The following ATP11A variants were observed in gnomAD, a reference collection of about 807,000 sequenced individuals.
The protein encoded by ATP11A is ATPase phospholipid transporting 11A.
In ATP11A, 81 loss-of-function variants were observed where a neutral mutation model predicts 154.4. The ratio of observed to expected loss-of-function variants is 0.52; its 90% CI spans 0.44 to 0.63. The LOEUF (loss-of-function observed/expected upper bound fraction) is 0.63, where lower values mean the gene tolerates loss of function less well. Ranked by LOEUF, ATP11A falls within the 30% of genes least tolerant of loss-of-function variation. The pLI is 0.00. For synonymous variants in ATP11A, 623 were observed against 585.9 expected (o/e 1.06, Z -0.91); for missense variants, 1,316 against 1,474.3 (o/e 0.89, Z 1.76).
intron 29 of ATP11A, chr13:112,881,436 C>T (rs1594270182): frequency 9.4e-7 from 1 of 1,058,956 alleles, no homozygotes; most frequent in Non-Finnish European, 1.1e-6. Flanking sequence ...TCAAGGGTCT[C>T]TGGGTACCGG....
At chr13:112,782,456 T>G (rs2077523449) in intron 1 of ATP11A, among the ~76,000 whole-genome samples, 1 of 152,264 alleles carries the variant, frequency 6.6e-6, no homozygotes, top group African/African-American at 2.4e-5. Flanking sequence ...TTCACTTATA[T>G]TCTTATTCAG....
At chr13:112,805,327 T>C (rs1342634997) in intron 3 of ATP11A, among the ~76,000 whole-genome samples, 2 of 152,216 alleles carry the variant, frequency 1.3e-5, no homozygotes, top group African/African-American at 4.8e-5. Flanking sequence ...TTGTCATCAT[T>C]TGGACAAGTT....
chr13:112,743,734 A>C (rs378432), intron 1 of ATP11A, among the ~76,000 whole-genome samples: 35,114 of 152,210 alleles, frequency 0.23, 5,241 homozygotes, highest in African/African-American at 0.42. Context: ...GAGCTCAGGA[A>C]TGTAACACAG....
intron 14 of ATP11A, 70 bp downstream of exon 14, chr13:112,833,093 G>A (rs1268829318): frequency 5.8e-6 from 9 of 1,554,068 alleles, no homozygotes; most frequent in Non-Finnish European, 7.9e-6. Context: ...CCCAGTCAGG[G>A]ATTTGCACCT....
intron 1 of ATP11A, among the ~76,000 whole-genome samples, chr13:112,693,047 C>T (rs1885378291): frequency 6.6e-6 from 1 of 152,106 alleles, no homozygotes; most frequent in Non-Finnish European, 1.5e-5. Flanking sequence ...GTGAGGGTGG[C>T]TAAAAGATAA....
At chr13:112,791,458 CCAG>C (rs1378031821) in intron 2 of ATP11A, among the ~76,000 whole-genome samples, 2 of 152,224 alleles carry the variant, frequency 1.3e-5, no homozygotes, top group Non-Finnish European at 2.9e-5. Context: ...AGGGAAGAAA[CCAG>C]CAGCAGCGGC....
chr13:112,868,695 C>T (rs942715464), intron 25 of ATP11A, among the ~76,000 whole-genome samples: 3 of 152,194 alleles, frequency 2.0e-5, no homozygotes, highest in African/African-American at 4.8e-5. Context: ...ATGGAAATAA[C>T]GACCAGCAAT....
chr13:112,877,299 T>A (rs1403498997), intron 28 of ATP11A, among the ~76,000 whole-genome samples: 1 of 152,148 alleles, frequency 6.6e-6, no homozygotes, highest in Non-Finnish European at 1.5e-5. Context: ...AAGCAGCCAC[T>A]CACTGCCCAG....
chr13:112,740,321 C>A, intron 1 of ATP11A, among the ~76,000 whole-genome samples: 1 of 151,978 alleles, frequency 6.6e-6, no homozygotes, highest in East Asian at 1.9e-4. Context: ...GGATTACTGG[C>A]GCACCACCAC....
At position 112,757,463 on chromosome 13, in the gene ATP11A, G is replaced by C. The variant is rs9603939; in HGVS notation, c.40-27672G>C. Among the ~76,000 whole-genome samples the C allele has an allele frequency of 3.9e-3, 597 of 152,338 alleles. 3 individuals carry two copies. Among genetic ancestry groups the C allele is most frequent in the African/African-American group, 0.014 (568 of 41,568 alleles). ...CACAGGTATTTGCGAAAACTACAAGGTCTATTCAGGTCAAGACTAGCTTCT... is the reference window on the plus strand; with the variant it reads ...CACAGGTATTTGCGAAAACTACAAGCTCTATTCAGGTCAAGACTAGCTTCT... On this transcript the variant is annotated intron_variant, in intron 1 of 29. Coordinates refer to ENST00000375645, the MANE Select transcript of ATP11A (RefSeq NM_015205.3).
intron 5 of ATP11A, 28 bp from the exon 6 acceptor site, chr13:112,816,055 T>C (rs547914455): frequency 6.2e-7 from 1 of 1,613,482 alleles, no homozygotes; most frequent in South Asian, 1.1e-5. Context: ...GGCTTTCCAT[T>C]GACCATCCTT....
In ATP11A at chr13:112,793,604, C is replaced by T. The variant is rs571880687; in HGVS notation, c.162+8347C>T. ...TTCTGTGTTTTGCATCCCTGCCTCC[C>T]GGTCATAAACAAAAGAGTGACCTCA... On this transcript the variant is annotated intron_variant, in intron 2 of 29. Transcript: ENST00000375645. 6.8e-4 allele frequency among the ~76,000 whole-genome samples: 104 copies of T among 152,346 alleles called. 1 individual carries two copies. Among genetic ancestry groups the T allele is most frequent in the African/African-American group, 1.9e-3 (77 of 41,582 alleles).
chr13:112,882,544 A>G lies in ATP11A; in HGVS notation c.*678A>G, dbSNP rs1594273058. 4.7e-6 allele frequency: 2 copies of G among 426,604 alleles called. No homozygotes were observed. The highest frequency in any genetic ancestry group is 8.2e-6 in the Non-Finnish European group (2 of 244,442). The allele number at this position is 426,604 out of a possible 1,614,324, so 26.4% of individuals were successfully genotyped here. ...ATCATCCCTGCGGATGCACCGCCGT[A>G]CCCTGCTCATCTGGGAGTGGTTTCC... On this transcript the variant is annotated 3_prime_UTR_variant, in exon 30 of 30. Coordinates refer to ENST00000375645, the MANE Select transcript of ATP11A (RefSeq NM_015205.3). This position sits in a 1 kb window ranked among gnomAD's most constrained non-coding sequence, Gnocchi z 5.1.
chr13:112,832,772 C>A, intron 13 of ATP11A, 88 bp from the exon 14 acceptor site: 1 of 1,509,738 alleles, frequency 6.6e-7, no homozygotes, highest in African/African-American at 1.4e-5. Context: ...CCCCCCACCC[C>A]GCTTCTTGTT....
intron 17 of ATP11A, among the ~76,000 whole-genome samples, chr13:112,843,587 A>C (rs2079489837): frequency 6.6e-6 from 1 of 152,188 alleles, no homozygotes; most frequent in Non-Finnish European, 1.5e-5. Context: ...GCTCTGCACC[A>C]AGGAAGGCTG....
At position 112,825,526 on chromosome 13, in the gene ATP11A, T is replaced by C. The variant is rs571602568; in HGVS notation, c.969T>C (p.Phe323=). The C allele has an allele frequency of 5.8e-4, 937 of 1,613,954 alleles. 11 individuals carry two copies. In the South Asian group the frequency reaches 9.7e-3, roughly 17 times the overall value. The stretch of plus-strand genomic sequence containing the variant: ...AATACATGTGGCAGAGTGAGCCCTT[T>C]CGGGATGAGCCGTGGTATAATCAGA... ...VLKYMWQSEP[F]RDEPWYNQKT... The change falls in exon 11 of 30, where the codon TTT becomes TTC. Residue 323 remains phenylalanine (F), a synonymous_variant. Transcript: ENST00000375645.
chr13:112,832,882 G>C lies in ATP11A; in HGVS notation c.1418G>C (p.Arg473Pro), dbSNP rs138532095. The C allele has an allele frequency of 3.7e-6, 6 of 1,613,380 alleles. No individual in the cohort carries two copies. The highest frequency in any genetic ancestry group is 5.1e-6 in the Non-Finnish European group (6 of 1,179,516). The stretch of plus-strand genomic sequence containing the variant: ...TAGGAGCGCGAGGAGCTGTTTTTCC[G>C]GGCCCTCTGTCTCTGCCACACCGTC... ...NGREREELFF[R>P]ALCLCHTVQV... The change falls in exon 14 of 30, where the codon CGG becomes CCG. Residue 473 changes from arginine (R) to proline (P), a missense_variant. Coordinates refer to ENST00000375645, the MANE Select transcript of ATP11A (RefSeq NM_015205.3).
rs771571626 is a variant in ATP11A at position 112,785,102 on chromosome 13, G to A, written c.40-33G>A. The A allele has an allele frequency of 7.0e-7, 1 of 1,418,932 alleles. No individual in the cohort carries two copies. The highest frequency in any genetic ancestry group is 9.3e-7 in the Non-Finnish European group (1 of 1,077,968). 87.9% of individuals were successfully genotyped at this position (1,418,932 alleles called of 1,614,324 possible). A position where few individuals can be genotyped will look rare whatever the true frequency, so the allele number is the denominator to read the frequency against. ...CAAGAGCTTTTGATGCAGGTTCTGA[G>A]GCAGCTGCCTAACACCGCTCTCCTT... is the stretch of plus-strand genomic sequence containing the variant. On this transcript the variant is annotated intron_variant, in intron 1 of 29. Coordinates refer to ENST00000375645, the MANE Select transcript of ATP11A (RefSeq NM_015205.3). The surrounding 1 kb of genome is among the most constrained non-coding windows in gnomAD (Gnocchi z 4.8).
intron 2 of ATP11A, among the ~76,000 whole-genome samples, chr13:112,802,162 A>G (rs960905040): frequency 2.6e-5 from 4 of 152,016 alleles, no homozygotes; most frequent in Non-Finnish European, 5.9e-5. Flanking sequence ...GGCCAACACG[A>G]TGAAACCCCA....
Sources: gnomAD v4.1 joint callset for allele counts (sites outside exome capture counted in the v4.1 genomes callset) on GRCh38, gnomAD v4.1.1 for gene constraint, Gnocchi (gnomAD v3.1) non-coding constraint, MANE v1.5 for transcripts, NCBI Gene and HGNC (gene_info 2026-07-23, HGNC 2026-07-21) for gene names.